The following YEATS2 variants were observed in gnomAD, a reference collection of about 807,000 sequenced individuals.
YEATS2 encodes the protein YEATS domain containing 2.
In YEATS2, 77 loss-of-function variants were observed where a neutral mutation model predicts 163.2. The ratio of observed to expected loss-of-function variants is 0.47; its 90% CI spans 0.39 to 0.57. The LOEUF (loss-of-function observed/expected upper bound fraction) is 0.57. YEATS2 is among the 20% of genes least tolerant of loss of function. The pLI, the probability that YEATS2 is intolerant of heterozygous loss-of-function variation, is 0.00. For synonymous variants in YEATS2, 631 were observed against 645.1 expected (o/e 0.98, Z 0.33); for missense variants, 1,549 against 1,729.8 (o/e 0.90, Z 1.85).
intron 21 of YEATS2, among the ~76,000 whole-genome samples, chr3:183,795,332 G>C (rs1725035775): frequency 6.6e-6 from 1 of 151,614 alleles, no homozygotes; most frequent in African/African-American, 2.4e-5. Flanking sequence ...CTGTTACCCA[G>C]GCTGGAGTGC....
chr3:183,708,454 G>A (rs978810572), intron 1 of YEATS2, among the ~76,000 whole-genome samples: 1 of 152,122 alleles, frequency 6.6e-6, no homozygotes, highest in Non-Finnish European at 1.5e-5. Flanking sequence ...TCCCTGACTC[G>A]AGAGCTAAGA....
At chr3:183,790,494 T>G (rs368673089) in intron 20 of YEATS2, among the ~76,000 whole-genome samples, 2 of 152,190 alleles carry the variant, frequency 1.3e-5, no homozygotes, top group East Asian at 3.8e-4. Flanking sequence ...TCCTCCTAGT[T>G]TTTTGGTGAT....
chr3:183,717,345 C>T (rs1156658881), intron 2 of YEATS2, among the ~76,000 whole-genome samples: 1 of 152,102 alleles, frequency 6.6e-6, no homozygotes, highest in Non-Finnish European at 1.5e-5. Flanking sequence ...ATAGAATAGG[C>T]CAATAATTTT....
chr3:183,717,904 G>GAA (rs142311983), intron 3 of YEATS2, among the ~76,000 whole-genome samples, 156 bp downstream of exon 3: 6,451 of 145,038 alleles, frequency 0.044, 371 homozygotes, highest in East Asian at 0.15. Context: ...TTTGGGGAGA[G>GAA]AAAATGCTAT....
chr3:183,763,833 C>G (rs1560286321), intron 15 of YEATS2, among the ~76,000 whole-genome samples: 1 of 152,006 alleles, frequency 6.6e-6, no homozygotes, highest in African/African-American at 2.4e-5. Flanking sequence ...TTTGGCAGTC[C>G]AAGGCGGACA....
intron 5 of YEATS2, among the ~76,000 whole-genome samples, chr3:183,722,873 C>T (rs953867005): frequency 3.3e-5 from 5 of 151,968 alleles, no homozygotes; most frequent in South Asian, 2.1e-4. Flanking sequence ...AGACTGGTCT[C>T]GAACTCCTGA....
At chr3:183,732,651 C>T (rs1717918353) in intron 7 of YEATS2, among the ~76,000 whole-genome samples, 1 of 151,648 alleles carries the variant, frequency 6.6e-6, no homozygotes, top group African/African-American at 2.4e-5. Context: ...GCTCCGCCTC[C>T]CGGGTTCACG....
At position 183,810,773 on chromosome 3, in the gene YEATS2, G is replaced by A. The variant is rs1324170093; in HGVS notation, c.*190G>A. 7.0e-6 allele frequency: 4 copies of A among 572,392 alleles called. No homozygotes were observed. In the African/African-American group the frequency reaches 7.5e-5, roughly 11 times the overall value. 35.5% of individuals were successfully genotyped at this position (572,392 alleles called of 1,614,324 possible). On this transcript the variant is annotated 3_prime_UTR_variant, in exon 31 of 31. Coordinates refer to ENST00000305135, the MANE Select transcript of YEATS2 (RefSeq NM_018023.5). ...CAGATGAAATCCTCCTAGGACAGGA[G>A]TTTGTTTCCTGAGTGTGGAGTGAGG...
rs554771494 is a variant in YEATS2, at chr3:183,776,249, A to G, written c.2577+126A>G. On this transcript the variant is annotated intron_variant, in intron 18 of 30. Coordinates refer to ENST00000305135, the MANE Select transcript of YEATS2 (RefSeq NM_018023.5). ...TACTAACACCTTAACCGTGTTATCTATATCTATATCTTGGCCGGGTGTGGT... is the reference window on the plus strand; with the variant it reads ...TACTAACACCTTAACCGTGTTATCTGTATCTATATCTTGGCCGGGTGTGGT... The G allele has an allele frequency of 2.8e-5, 28 of 990,228 alleles. No homozygotes were observed. In the East Asian group the frequency reaches 7.3e-4, roughly 26 times the overall value. The allele number at this position is 990,228 out of a possible 1,614,324, so 61.3% of individuals were successfully genotyped here. A position where few individuals can be genotyped will look rare whatever the true frequency, so the allele number is the denominator to read the frequency against.
intron 11 of YEATS2, among the ~76,000 whole-genome samples, chr3:183,754,803 G>C (rs1381475639): frequency 2.6e-5 from 4 of 152,196 alleles, no homozygotes; most frequent in African/African-American, 9.7e-5. Flanking sequence ...AACCACACTA[G>C]AAAATTATTC....
chr3:183,779,918 G>C (rs770932253), intron 19 of YEATS2, among the ~76,000 whole-genome samples: 2 of 151,106 alleles, frequency 1.3e-5, no homozygotes, highest in Non-Finnish European at 2.9e-5. Context: ...GGATGGTCTC[G>C]ATCTCTTGAC....
At chr3:183,727,263 A>G (rs756166608) in intron 6 of YEATS2, among the ~76,000 whole-genome samples, 2 of 152,260 alleles carry the variant, frequency 1.3e-5, no homozygotes, top group African/African-American at 2.4e-5. Context: ...TTAGAAATAC[A>G]AAAGAAGACG....
At chr3:183,716,739 C>G (rs1449558133) in intron 2 of YEATS2, among the ~76,000 whole-genome samples, 1 of 151,990 alleles carries the variant, frequency 6.6e-6, no homozygotes, top group Non-Finnish European at 1.5e-5. Flanking sequence ...CAAAATACCC[C>G]CTTTCAAGCA....
intron 24 of YEATS2, 66 bp downstream of exon 24, chr3:183,800,634 G>A (rs1725582586): frequency 1.5e-6 from 2 of 1,325,286 alleles, no homozygotes; most frequent in Admixed American, 1.8e-5. Context: ...TGACAGCTGA[G>A]TATGTGCAGA....
chr3:183,782,434 A>G (rs1011736459), intron 19 of YEATS2, among the ~76,000 whole-genome samples: 2 of 145,578 alleles, frequency 1.4e-5, no homozygotes, highest in Non-Finnish European at 3.0e-5. Flanking sequence ...TAATTTTTTT[A>G]TTTTTTGAGA....
At chr3:183,761,089 TTTTC>T (rs1472168554) in intron 13 of YEATS2, among the ~76,000 whole-genome samples, 1 of 152,144 alleles carries the variant, frequency 6.6e-6, no homozygotes, top group African/African-American at 2.4e-5. Flanking sequence ...TTTTAGGTTT[TTTTC>T]TTTCTTTTTT....
intron 19 of YEATS2, among the ~76,000 whole-genome samples, chr3:183,785,059 C>T (rs1206344630): frequency 1.3e-5 from 2 of 151,272 alleles, no homozygotes; most frequent in Non-Finnish European, 2.9e-5. Flanking sequence ...AGCAAAAGAG[C>T]AAAACTCTGT....
Position 183,777,627 on chromosome 3 carries a change from T to C in YEATS2, c.2663T>C (p.Val888Ala). ...TGSVVQGTLG[V>A]STSSAQGQQT... ...TCAGTGGTCCAAGGAACACTGGGAG[T>C]CAGCACATCTTCTGCACAAGGACAA... The change falls in exon 19 of 31, where the codon GTC (valine) becomes GCC (alanine). Residue 888 changes from valine to alanine, a missense_variant. Val to Ala is a moderately conservative substitution (Grantham distance 64). Coordinates refer to ENST00000305135, the MANE Select transcript of YEATS2 (RefSeq NM_018023.5). 1 of 1,613,814 alleles carries C rather than the reference T, an allele frequency of 6.2e-7. No individual in the cohort carries two copies. Among genetic ancestry groups the C allele is most frequent in the Non-Finnish European group, 8.5e-7 (1 of 1,179,962 alleles).
At chr3:183,764,848 A>G (rs1255506496) in intron 15 of YEATS2, among the ~76,000 whole-genome samples, 2 of 152,128 alleles carry the variant, frequency 1.3e-5, no homozygotes, top group East Asian at 1.9e-4. Flanking sequence ...CGGTGGTTCT[A>G]AAATCTGTTA....
Sources: gnomAD v4.1 joint callset for allele counts (sites outside exome capture counted in the v4.1 genomes callset) on GRCh38, gnomAD v4.1.1 for gene constraint, MANE v1.5 for transcripts, NCBI Gene and HGNC (gene_info 2026-07-23, HGNC 2026-07-21) for gene names.